The following NFKB1 variants were observed in gnomAD, a reference collection of about 807,000 sequenced individuals.
The protein encoded by NFKB1 is nuclear factor kappa B subunit 1.
NFKB1 carries 9 observed loss-of-function variants against 105.1 expected under a neutral mutation model. The observed-to-expected ratio is 0.09, with a 90% CI of 0.05 to 0.15. The LOEUF is 0.15. Among genes scored for constraint, NFKB1 ranks in the 10% least tolerant of loss-of-function variants. NFKB1 has a pLI of 1.00. For synonymous variants in NFKB1, 440 were observed against 442.2 expected (o/e 1.00, Z 0.06); for missense variants, 830 against 1,203.7 (o/e 0.69, Z 4.59).
At chr4:102,596,951 T>C (rs905573975) in intron 14 of NFKB1, among the ~76,000 whole-genome samples, 1 of 152,034 alleles carries the variant, frequency 6.6e-6, no homozygotes, top group Non-Finnish European at 1.5e-5. Context: ...TAAAAATGTA[T>C]AAGCCATGAT....
chr4:102,539,836 A>T (rs1325811039), intron 5 of NFKB1, among the ~76,000 whole-genome samples: 1 of 152,104 alleles, frequency 6.6e-6, no homozygotes, highest in East Asian at 1.9e-4. Context: ...TAATGTGTGC[A>T]TTTGGGGTAC....
intron 6 of NFKB1, among the ~76,000 whole-genome samples, chr4:102,569,266 G>A (rs577701246): frequency 3.3e-5 from 5 of 152,080 alleles, no homozygotes; most frequent in Admixed American, 6.6e-5. Flanking sequence ...CTCAACAGAG[G>A]ACTGGGGGCA....
At chr4:102,575,332 C>CT (rs1217318747) in intron 6 of NFKB1, among the ~76,000 whole-genome samples, 1 of 152,146 alleles carries the variant, frequency 6.6e-6, no homozygotes, top group Non-Finnish European at 1.5e-5. Flanking sequence ...TTCATTCTGC[C>CT]TTATAACTCC....
At chr4:102,565,703 G>A (rs922603148) in intron 5 of NFKB1, among the ~76,000 whole-genome samples, 10 of 151,490 alleles carry the variant, frequency 6.6e-5, no homozygotes, top group East Asian at 1.9e-4. Context: ...CCGTCCCATC[G>A]TTCCTTCCTC....
At chr4:102,535,885 G>A (rs1173633438) in intron 4 of NFKB1, among the ~76,000 whole-genome samples, 1 of 146,500 alleles carries the variant, frequency 6.8e-6, no homozygotes. Flanking sequence ...GTGTGGTTTT[G>A]GGGTTTTTTT....
intron 5 of NFKB1, among the ~76,000 whole-genome samples, chr4:102,551,187 C>T (rs1415932461): frequency 2.0e-5 from 3 of 152,194 alleles, no homozygotes; most frequent in Admixed American, 2.0e-4. Context: ...CTGCCAGGCA[C>T]AGTGCTGGGC....
chr4:102,505,877 A>AT (rs35477220), intron 1 of NFKB1, among the ~76,000 whole-genome samples: 149 of 151,802 alleles, frequency 9.8e-4, no homozygotes, highest in African/African-American at 3.3e-3. Context: ...TTGTTGCAAA[A>AT]TTTTTTTTTA....
intron 7 of NFKB1, chr4:102,577,923 C>T (rs1295088046): frequency 1.0e-6 from 1 of 985,332 alleles, no homozygotes; most frequent in East Asian, 1.1e-4. Flanking sequence ...TACTGAAGTT[C>T]TGTATCTTGT....
intron 6 of NFKB1, among the ~76,000 whole-genome samples, chr4:102,572,835 A>G (rs1265664623): frequency 1.3e-5 from 2 of 152,236 alleles, no homozygotes; most frequent in Non-Finnish European, 2.9e-5. Context: ...TATCATTTGC[A>G]GTGCTGTTCA....
At chr4:102,562,835 A>T (rs764904490) in intron 5 of NFKB1, among the ~76,000 whole-genome samples, 1 of 152,216 alleles carries the variant, frequency 6.6e-6, no homozygotes, top group African/African-American at 2.4e-5. Flanking sequence ...AAGTCAGGAC[A>T]GATTTCCGTT....
chr4:102,532,026 A>G (rs1228936476), intron 3 of NFKB1, among the ~76,000 whole-genome samples: 1 of 152,182 alleles, frequency 6.6e-6, no homozygotes, highest in African/African-American at 2.4e-5. Context: ...TTCTATTTCT[A>G]ATCAATTTTA....
At position 102,601,027 on chromosome 4, in the gene NFKB1, G is replaced by T. The variant is rs1396464500; in HGVS notation, c.1752+18G>T. On this transcript the variant is annotated intron_variant, in intron 16 of 23. Coordinates refer to ENST00000226574, the MANE Select transcript of NFKB1 (RefSeq NM_003998.4). ...TGTACCAGGTAAGCAGAAATCTCAA[G>T]AAAACAACTGAAGAAAAATCTGTAG... 2.9e-6 allele frequency: 4 copies of T among 1,392,954 alleles called. No individual in the cohort carries two copies. The highest frequency in any genetic ancestry group is 4.0e-6 in the Non-Finnish European group (4 of 995,050). 86.3% of individuals were successfully genotyped at this position (1,392,954 alleles called of 1,614,324 possible).
At chr4:102,520,799 A>G (rs1412171996) in intron 1 of NFKB1, among the ~76,000 whole-genome samples, 1 of 152,098 alleles carries the variant, frequency 6.6e-6, no homozygotes, top group Non-Finnish European at 1.5e-5. Context: ...TGTATTTCTT[A>G]TGAAGATTTC....
chr4:102,562,342 A>T (rs1723511351), intron 5 of NFKB1, among the ~76,000 whole-genome samples: 1 of 152,124 alleles, frequency 6.6e-6, no homozygotes, highest in Non-Finnish European at 1.5e-5. Flanking sequence ...TTACACTTTT[A>T]CATTTATTTG....
chr4:102,579,187 T>G, intron 8 of NFKB1, 148 bp downstream of exon 8: 1 of 750,366 alleles, frequency 1.3e-6, no homozygotes, highest in Non-Finnish European at 2.0e-6. Flanking sequence ...TAGGAAAATC[T>G]AGCTTGAAAG....
rs1272821880 is a variant in NFKB1, at chr4:102,502,388, GCGCACACA to G, written c.-8+602_-8+609del. Among the ~76,000 whole-genome samples the G allele has an allele frequency of 4.1e-4, 40 of 96,812 alleles. No homozygotes were observed. In the South Asian group the frequency reaches 0.011, roughly 28 times the overall value. 63.5% of individuals were successfully genotyped at this position (96,812 alleles called of 152,430 possible). ...TCCCCCCCTCCGTGCGCGCGCGCGC[GCGCACACA>G]CACACACACACACACACACACACAC... is the stretch of plus-strand genomic sequence containing the variant. On this transcript the variant is annotated intron_variant, in intron 1 of 23. Coordinates refer to ENST00000226574, the MANE Select transcript of NFKB1 (RefSeq NM_003998.4).
intron 3 of NFKB1, among the ~76,000 whole-genome samples, chr4:102,532,042 A>G (rs1252493400): frequency 6.6e-6 from 1 of 152,186 alleles, no homozygotes; most frequent in East Asian, 1.9e-4. Flanking sequence ...TTTTATTTCC[A>G]TATCCAAAAT....
rs1431741312 is a variant in NFKB1, at chr4:102,506,731, T to TG, written c.-8+4946dup. Reference sequence around the variant, plus strand: ...CCCTGGGAACCCTAATGCAGTCCTGTGGGAAAACAACCATTTTATTGAGCG... The same window carrying TG: ...CCCTGGGAACCCTAATGCAGTCCTGTGGGGAAAACAACCATTTTATTGAGCG... On this transcript the variant is annotated intron_variant, in intron 1 of 23. Transcript: ENST00000226574. 3.9e-5 allele frequency among the ~76,000 whole-genome samples: 6 copies of TG among 152,256 alleles called. No homozygotes were observed. The South Asian group carries it at 1.0e-3, about 26-fold the overall frequency.
intron 4 of NFKB1, among the ~76,000 whole-genome samples, chr4:102,536,549 C>T (rs952426852): frequency 1.3e-5 from 2 of 152,196 alleles, no homozygotes; most frequent in African/African-American, 4.8e-5. Context: ...GGCACCTGGA[C>T]TGCTCAGAGA....
Sources: allele counts gnomAD v4.1 joint callset (sites outside exome capture counted in the v4.1 genomes callset), GRCh38; gene constraint gnomAD v4.1.1; transcripts MANE v1.5; gene names NCBI Gene and HGNC (gene_info 2026-07-23, HGNC 2026-07-21).